MTMR8: variants seen among roughly 807,000 people sequenced by gnomAD.
The protein encoded by MTMR8 is phosphatidylinositol-3,5-bisphosphate 3-phosphatase MTMR8.
In MTMR8, 65 loss-of-function variants were observed where a neutral mutation model predicts 39.3. The ratio of observed to expected loss-of-function variants is 1.65; its 90% confidence interval spans 1.35 to 2.03. MTMR8 has a LOEUF of 2.03. Among genes scored for constraint, MTMR8 ranks in the 30% most tolerant of loss-of-function variants. The probability of loss-of-function intolerance (pLI) is 0.00; values close to 1 mark genes in which losing one functional copy is unlikely to be tolerated. For synonymous variants in MTMR8, 245 were observed against 185.2 expected (o/e 1.32, Z -2.62); for missense variants, 777 against 538.9 (o/e 1.44, Z -4.37).
chrX:64,377,283 C>T (rs1924296308), intron 1 of MTMR8, among the ~76,000 whole-genome samples: 1 of 111,888 alleles, frequency 8.9e-6, no homozygotes, highest in Non-Finnish European at 1.9e-5. Flanking sequence ...CCTCCAGACC[C>T]CAGAATGGTA....
intron 12 of MTMR8, among the ~76,000 whole-genome samples, chrX:64,288,652 A>G (rs1040965850): frequency 2.7e-4 from 30 of 112,152 alleles, no homozygotes; most frequent in Non-Finnish European, 4.7e-4. Context: ...GATTTAGAAA[A>G]TGTGGCACAT....
At chrX:64,337,958 T>A (rs766397039) in intron 8 of MTMR8, among the ~76,000 whole-genome samples, 10 of 112,072 alleles carry the variant, frequency 8.9e-5, no homozygotes, top group Non-Finnish European at 1.7e-4. Flanking sequence ...CATTTATTCA[T>A]TCTAACAATT....
chrX:64,321,924 T>C (rs747275144), intron 12 of MTMR8, among the ~76,000 whole-genome samples: 5 of 112,404 alleles, frequency 4.4e-5, no homozygotes, highest in Admixed American at 9.4e-5. Context: ...TCATAGGGTT[T>C]AGTCCTTCAT....
intron 12 of MTMR8, among the ~76,000 whole-genome samples, chrX:64,285,477 T>C (rs774995799): frequency 5.4e-5 from 6 of 111,571 alleles, no homozygotes; most frequent in African/African-American, 2.0e-4. Context: ...GCAGACCTAA[T>C]AGACATCTAC....
chrX:64,361,344 AG>A (rs1288273163), intron 1 of MTMR8, among the ~76,000 whole-genome samples: 2 of 111,669 alleles, frequency 1.8e-5, no homozygotes, highest in African/African-American at 3.2e-5. Flanking sequence ...CCATTTTATG[AG>A]GGCAATTTAA....
At chrX:64,388,869 T>G (rs775287749) in intron 1 of MTMR8, among the ~76,000 whole-genome samples, 51 of 112,172 alleles carry the variant, frequency 4.5e-4, no homozygotes, top group Non-Finnish European at 6.8e-4. Flanking sequence ...TGTTAATATA[T>G]TTTACCTTAG....
At chrX:64,334,258 T>C (rs1477415098) in intron 10 of MTMR8, among the ~76,000 whole-genome samples, 1 of 110,388 alleles carries the variant, frequency 9.1e-6, no homozygotes, top group African/African-American at 3.3e-5. Flanking sequence ...TGTATTATCC[T>C]ATATCCTCTA....
chrX:64,310,792 T>C (rs1289810029), intron 12 of MTMR8, among the ~76,000 whole-genome samples: 1 of 111,059 alleles, frequency 9.0e-6, no homozygotes, highest in Admixed American at 9.6e-5. Context: ...AGAACGACGG[T>C]TTCCAGCTTC....
At chrX:64,280,152 T>C (rs1226325398) in intron 12 of MTMR8, among the ~76,000 whole-genome samples, 4 of 112,156 alleles carry the variant, frequency 3.6e-5, no homozygotes, top group Non-Finnish European at 7.5e-5. Flanking sequence ...CTTCTGAAAC[T>C]ATTCCAAACA....
In MTMR8 at chrX:64,285,211, C is replaced by G. The variant is rs770019495; in HGVS notation, c.1482-14138G>C. Among the ~76,000 whole-genome samples, 52 of 111,284 alleles carry G rather than the reference C, an allele frequency of 4.7e-4. No homozygotes were observed. The South Asian group carries it at 0.015, about 32-fold the overall frequency. ...AAACAGACTTTAAATCAACAAAGAT[C>G]AAAAGAGACAAAGAAGGCCATTACA... On this transcript the variant is annotated intron_variant, in intron 12 of 13. Coordinates refer to ENST00000374852, the MANE Select transcript of MTMR8 (RefSeq NM_017677.4).
intron 8 of MTMR8, among the ~76,000 whole-genome samples, chrX:64,340,855 G>A (rs767172433): frequency 8.9e-6 from 1 of 111,798 alleles, no homozygotes; most frequent in East Asian, 2.8e-4. Flanking sequence ...CATTGGCAAA[G>A]ATCAAAAAGA....
Position 64,354,898 on chromosome X carries a change from G to T in MTMR8, c.347C>A (p.Pro116His). 2 of 1,200,916 alleles carry T rather than the reference G, an allele frequency of 1.7e-6. No individual in the cohort carries two copies. Among genetic ancestry groups the T allele is most frequent in the Admixed American group, 2.2e-5 (1 of 44,707 alleles). Residue 116 changes from proline (P) to histidine (H), a missense_variant, in exon 4 of 14, where the codon CCC becomes CAC. Physicochemically the swap from Pro to His is moderately conservative, Grantham distance 77. Coordinates refer to ENST00000374852, the MANE Select transcript of MTMR8 (RefSeq NM_017677.4). ...PEDLYAFSYNPKSSKEMRESG... is the reference protein window; with the variant it reads ...PEDLYAFSYNHKSSKEMRESG... Reference sequence around the variant, plus strand: ...TTCCCTCATCTCTTTTGAGGATTTGGGATTATAAGAAAAAGCATAAAGATC... The same window carrying T: ...TTCCCTCATCTCTTTTGAGGATTTGTGATTATAAGAAAAAGCATAAAGATC...
chrX:64,310,950 A>T (rs1041551011), intron 12 of MTMR8, among the ~76,000 whole-genome samples: 7 of 111,860 alleles, frequency 6.3e-5, no homozygotes, highest in Non-Finnish European at 1.1e-4. Context: ...GAATAGTGCC[A>T]CAATATACAT....
intron 10 of MTMR8, among the ~76,000 whole-genome samples, chrX:64,332,670 C>T (rs1031048784): frequency 9.0e-6 from 1 of 111,593 alleles, no homozygotes; most frequent in Non-Finnish European, 1.9e-5. Context: ...TGTCACTTCC[C>T]TACATTCTCT....
chrX:64,348,874 T>G (rs73627877), intron 5 of MTMR8, 80 bp from the exon 6 acceptor site: 1 of 1,077,881 alleles, frequency 9.3e-7, no homozygotes, highest in African/African-American at 1.8e-5. Context: ...CCAGGTTCCA[T>G]GAGTAGAGGG....
chrX:64,326,129 C>T (rs1344862422), intron 12 of MTMR8, among the ~76,000 whole-genome samples: 4 of 111,374 alleles, frequency 3.6e-5, no homozygotes, highest in African/African-American at 1.3e-4. Context: ...ATTAAGGGGA[C>T]ATGGATCATC....
intron 12 of MTMR8, among the ~76,000 whole-genome samples, chrX:64,309,686 T>A (rs1353998164): frequency 8.9e-6 from 1 of 111,809 alleles, no homozygotes; most frequent in Admixed American, 9.6e-5. Context: ...GGAGATAATG[T>A]AGGTTCAGTT....
intron 12 of MTMR8, among the ~76,000 whole-genome samples, chrX:64,307,391 T>C (rs1477284709): frequency 8.9e-6 from 1 of 112,121 alleles, no homozygotes; most frequent in East Asian, 2.8e-4. Context: ...TTGTATAAAG[T>C]ATGAGGTGTA....
chrX:64,344,300 T>G (rs1187840584), intron 7 of MTMR8, among the ~76,000 whole-genome samples: 1 of 111,590 alleles, frequency 9.0e-6, no homozygotes, highest in Admixed American at 9.5e-5. Flanking sequence ...ATATTAATAT[T>G]TTAAAAGGGA....
Sources: gnomAD v4.1 joint callset for allele counts (sites outside exome capture counted in the v4.1 genomes callset) on GRCh38, gnomAD v4.1.1 for gene constraint, MANE v1.5 for transcripts, NCBI Gene and HGNC (gene_info 2026-07-23, HGNC 2026-07-21) for gene names.